SAMD4A: variants seen among roughly 807,000 people sequenced by gnomAD.
SAMD4A encodes the protein sterile alpha motif domain containing 4A.
SAMD4A carries 33 observed loss-of-function variants against 81.3 expected under a neutral mutation model. The ratio of observed to expected loss-of-function variants is 0.41; its 90% CI spans 0.31 to 0.54. SAMD4A has a LOEUF of 0.54. Among genes scored for constraint, SAMD4A ranks in the 20% least tolerant of loss-of-function variants. The pLI, the probability that SAMD4A is intolerant of heterozygous loss-of-function variation, is 0.37. For synonymous variants in SAMD4A, 389 were observed against 382.1 expected, an observed-to-expected ratio of 1.02 and a Z score of -0.21; for missense variants, 854 against 951.1, an observed-to-expected ratio of 0.90 and a Z score of 1.34.
At chr14:54,768,074 T>C (rs1231993556) in intron 8 of SAMD4A, among the ~76,000 whole-genome samples, 1 of 152,216 alleles carries the variant, frequency 6.6e-6, no homozygotes, top group South Asian at 2.1e-4. Context: ...ATCCATGAAA[T>C]GAGCCCTTTA....
intron 2 of SAMD4A, among the ~76,000 whole-genome samples, chr14:54,687,645 C>G (rs915641762): frequency 6.6e-6 from 1 of 152,028 alleles, no homozygotes; most frequent in Non-Finnish European, 1.5e-5. Context: ...AGCCAGGTCC[C>G]CTGGACAAGG....
intron 3 of SAMD4A, among the ~76,000 whole-genome samples, chr14:54,706,432 C>G (rs1235801405): frequency 1.3e-5 from 2 of 151,800 alleles, no homozygotes; most frequent in Non-Finnish European, 2.9e-5. Context: ...TGGTGAAACC[C>G]TATCTCTACT....
intron 2 of SAMD4A, among the ~76,000 whole-genome samples, chr14:54,678,433 T>TTGTGTGTGTGTGTGTGTGTGTGTGTGTG (rs769193366): frequency 4.9e-5 from 4 of 81,278 alleles, no homozygotes; most frequent in Non-Finnish European, 6.6e-5. Context: ...CAGTCACCAT[T>TTGTGTGTGTGTGTGTGTGTGTGTGTGTG]TGTGTGTGTG....
chr14:54,737,308 C>T, intron 4 of SAMD4A, 21 bp downstream of exon 4: 1 of 1,612,584 alleles, frequency 6.2e-7, no homozygotes, highest in Non-Finnish European at 8.5e-7. Flanking sequence ...AAATGAGAAA[C>T]CACTGGGGAA....
intron 2 of SAMD4A, among the ~76,000 whole-genome samples, chr14:54,658,219 G>A (rs1276540147): frequency 6.6e-6 from 1 of 152,202 alleles, no homozygotes; most frequent in Non-Finnish European, 1.5e-5. Context: ...GCTGAGACAT[G>A]AGAATTGCTT....
At chr14:54,748,213 A>G (rs1022973943) in intron 4 of SAMD4A, among the ~76,000 whole-genome samples, 4 of 152,150 alleles carry the variant, frequency 2.6e-5, no homozygotes, top group African/African-American at 9.7e-5. Flanking sequence ...CCTTTTTCCC[A>G]TTCAGGTATA....
Position 54,636,270 on chromosome 14 carries a change from G to A in SAMD4A, c.197-65792G>A, listed in dbSNP as rs915102393. 9.2e-5 allele frequency among the ~76,000 whole-genome samples: 14 copies of A among 152,166 alleles called. 1 individual carries two copies. The highest frequency in any genetic ancestry group is 3.4e-4 in the African/African-American group (14 of 41,432). ...GCCATTACAAAAGCCCTTAGGTTGG[G>A]ATGTACGAGGAGGCTGGTGTGACTG... is the stretch of plus-strand genomic sequence containing the variant. On this transcript the variant is annotated intron_variant, in intron 2 of 12. Coordinates refer to ENST00000554335, the MANE Select transcript of SAMD4A (RefSeq NM_015589.6).
intron 2 of SAMD4A, among the ~76,000 whole-genome samples, chr14:54,619,169 A>C (rs1354414924): frequency 6.6e-6 from 1 of 152,216 alleles, no homozygotes; most frequent in African/African-American, 2.4e-5. Flanking sequence ...TCCTGATACA[A>C]CTAATAGGTA....
At chr14:54,757,268 TC>T (rs2038263500) in intron 6 of SAMD4A, among the ~76,000 whole-genome samples, 1 of 152,184 alleles carries the variant, frequency 6.6e-6, no homozygotes, top group African/African-American at 2.4e-5. Context: ...CCAAGTGTTA[TC>T]TTTGAGACAA....
intron 2 of SAMD4A, among the ~76,000 whole-genome samples, chr14:54,620,105 C>T (rs1193123961): frequency 6.6e-6 from 1 of 151,718 alleles, no homozygotes; most frequent in African/African-American, 2.4e-5. Flanking sequence ...CCTGTGTGAG[C>T]CTTATATACA....
At chr14:54,591,727 G>T (rs553764226) in intron 2 of SAMD4A, among the ~76,000 whole-genome samples, 2 of 152,262 alleles carry the variant, frequency 1.3e-5, no homozygotes, top group South Asian at 2.1e-4. Flanking sequence ...TTTACATAGT[G>T]TAGTGTATAT....
chr14:54,699,106 T>G (rs1471972344), intron 2 of SAMD4A, among the ~76,000 whole-genome samples: 2 of 152,234 alleles, frequency 1.3e-5, no homozygotes, highest in Non-Finnish European at 2.9e-5. Context: ...CTGATTACAG[T>G]AGGCTTACAG....
At chr14:54,639,651 C>T (rs2035122717) in intron 2 of SAMD4A, among the ~76,000 whole-genome samples, 1 of 152,126 alleles carries the variant, frequency 6.6e-6, no homozygotes, top group African/African-American at 2.4e-5. Flanking sequence ...CCATGTTCAG[C>T]CCTGGGGTTT....
At position 54,784,554 on chromosome 14, in the gene SAMD4A, A is replaced by G; in HGVS notation, c.2062A>G (p.Thr688Ala). Residue 688 changes from threonine (T) to alanine (A), a missense_variant, in exon 12 of 13, where the codon ACC (threonine) becomes GCC (alanine). By Grantham distance (58) the Thr-to-Ala change is moderately conservative. Coordinates refer to ENST00000554335, the MANE Select transcript of SAMD4A (RefSeq NM_015589.6). ...GCCTGCAGAATTCCAGCTTCCCGTGACCGAACCTGACATCAACAACAGGCT... is the reference window on the plus strand; with the variant it reads ...GCCTGCAGAATTCCAGCTTCCCGTGGCCGAACCTGACATCAACAACAGGCT... ...FQQPEFQLPV[T>A]EPDINNRLES... 1 of 1,614,114 alleles carries G rather than the reference A, an allele frequency of 6.2e-7. No individual in the cohort carries two copies. The highest frequency in any genetic ancestry group is 1.1e-5 in the South Asian group (1 of 91,072).
chr14:54,739,838 T>C (rs965388426), intron 4 of SAMD4A, among the ~76,000 whole-genome samples: 1 of 152,202 alleles, frequency 6.6e-6, no homozygotes, highest in Non-Finnish European at 1.5e-5. Flanking sequence ...TAAGAGCAGG[T>C]GCTGGTTTAA....
intron 6 of SAMD4A, among the ~76,000 whole-genome samples, chr14:54,756,478 A>G (rs1284863071): frequency 6.6e-6 from 1 of 152,174 alleles, no homozygotes; most frequent in Non-Finnish European, 1.5e-5. Flanking sequence ...CCTGATGCCC[A>G]TCATACCGTG....
intron 2 of SAMD4A, among the ~76,000 whole-genome samples, chr14:54,666,773 A>G (rs2035767367): frequency 6.6e-6 from 1 of 152,174 alleles, no homozygotes; most frequent in Non-Finnish European, 1.5e-5. Flanking sequence ...GACAGGGAGC[A>G]TTAACCCTTT....
chr14:54,581,515 G>A (rs2140145959), intron 2 of SAMD4A, among the ~76,000 whole-genome samples: 1 of 152,294 alleles, frequency 6.6e-6, no homozygotes, highest in Middle Eastern at 3.4e-3. Flanking sequence ...AGTTAAGTTT[G>A]TATTCACTTT....
intron 2 of SAMD4A, among the ~76,000 whole-genome samples, chr14:54,646,967 T>A (rs887779375): frequency 1.3e-5 from 2 of 152,228 alleles, no homozygotes; most frequent in Admixed American, 1.3e-4. Context: ...GGAAACTCAA[T>A]GCAGCTTTTA....
Sources: allele counts gnomAD v4.1 joint callset (sites outside exome capture counted in the v4.1 genomes callset), GRCh38; gene constraint gnomAD v4.1.1; transcripts MANE v1.5; gene names NCBI Gene and HGNC (gene_info 2026-07-23, HGNC 2026-07-21).